The following FGF12 variants were observed in gnomAD, a reference collection of about 807,000 sequenced individuals.
The protein encoded by FGF12 is fibroblast growth factor 12, also known as fibroblast growth factor 12B.
FGF12 carries 14 observed loss-of-function variants against 23.6 expected under a neutral mutation model. That is an observed-to-expected ratio of 0.59 (90% confidence interval 0.39 to 0.93). The LOEUF is 0.93. Among genes scored for constraint, FGF12 ranks in the 40% least tolerant of loss-of-function variants. The probability of loss-of-function intolerance (pLI) is 0.00; values close to 1 mark genes in which losing one functional copy is unlikely to be tolerated. For synonymous variants in FGF12, 62 were observed against 77.3 expected (o/e 0.80, Z 1.04); for missense variants, 175 against 217.8 (o/e 0.80, Z 1.24).
At chr3:192,530,623 G>A (rs950033780) in intron 2 of FGF12, among the ~76,000 whole-genome samples, 1 of 152,112 alleles carries the variant, frequency 6.6e-6, no homozygotes, top group African/African-American at 2.4e-5. Context: ...TGGACTTTTA[G>A]TAGAAAGCTT....
intron 4 of FGF12, among the ~76,000 whole-genome samples, chr3:192,290,626 T>G (rs960145239): frequency 6.6e-6 from 1 of 152,162 alleles, no homozygotes; most frequent in Non-Finnish European, 1.5e-5. Context: ...TTTGCCCAAG[T>G]TGTGCTGCTC....
At chr3:192,366,458 G>A (rs1413790886) in intron 2 of FGF12, among the ~76,000 whole-genome samples, 1 of 152,138 alleles carries the variant, frequency 6.6e-6, no homozygotes, top group Non-Finnish European at 1.5e-5. Context: ...TGATAACAAT[G>A]GCTGTATATT....
At chr3:192,570,423 G>A (rs921667052) in intron 2 of FGF12, among the ~76,000 whole-genome samples, 2 of 96,492 alleles carry the variant, frequency 2.1e-5, no homozygotes, top group African/African-American at 4.8e-5. Flanking sequence ...TAATGATATT[G>A]CCAAAGAGAA....
intron 2 of FGF12, among the ~76,000 whole-genome samples, chr3:192,570,755 AAT>A: frequency 6.6e-6 from 1 of 152,340 alleles, no homozygotes; most frequent in Non-Finnish European, 1.5e-5. Context: ...CTTTTCATAA[AAT>A]ATTTTTATTG....
intron 4 of FGF12, among the ~76,000 whole-genome samples, chr3:192,185,827 T>A (rs558348067): frequency 1.3e-5 from 2 of 151,226 alleles, no homozygotes; most frequent in African/African-American, 2.4e-5. Flanking sequence ...CCACTGCACT[T>A]CAGCCTGGGC....
chr3:192,424,750 G>A (rs904046663), intron 2 of FGF12, among the ~76,000 whole-genome samples: 2 of 151,966 alleles, frequency 1.3e-5, no homozygotes, highest in Non-Finnish European at 2.9e-5. Context: ...ATGATTCACC[G>A]TACACACAGA....
In FGF12 at chr3:192,531,063, C is replaced by T. The variant is rs9835297; in HGVS notation, c.14-170525G>A. Among the ~76,000 whole-genome samples the T allele has an allele frequency of 2.3e-3, 356 of 152,306 alleles. 2 individuals are homozygous for T. Among genetic ancestry groups the T allele is most frequent in the African/African-American group, 8.2e-3 (342 of 41,570 alleles). On this transcript the variant is annotated intron_variant, in intron 2 of 5. Transcript: ENST00000445105. The stretch of plus-strand genomic sequence containing the variant: ...CTGACCTCAGGTGATGCACCCACCT[C>T]GGCCTCTCAAAGTGCTGGGATTACA...
At chr3:192,698,037 T>C (rs1038130322) in intron 2 of FGF12, among the ~76,000 whole-genome samples, 9 of 152,308 alleles carry the variant, frequency 5.9e-5, no homozygotes, top group Admixed American at 4.6e-4. Flanking sequence ...TAAAATGTTC[T>C]ATTTATTTGA....
intron 5 of FGF12, among the ~76,000 whole-genome samples, chr3:192,166,779 G>C (rs373607184): frequency 5.6e-4 from 85 of 152,066 alleles, no homozygotes; most frequent in East Asian, 2.7e-3. Context: ...TAAGACAAAA[G>C]ATAAAGACAT....
chr3:192,265,579 AAAG>A (rs1713029277), intron 4 of FGF12, among the ~76,000 whole-genome samples: 1 of 152,200 alleles, frequency 6.6e-6, no homozygotes, highest in Non-Finnish European at 1.5e-5. Flanking sequence ...CAGAAATTAA[AAAG>A]AAGAATATTT....
chr3:192,408,759 T>C lies in FGF12; in HGVS notation c.14-48221A>G, dbSNP rs1405399907. 1 of 985,732 alleles carries C rather than the reference T, an allele frequency of 1.0e-6. No individual in the cohort carries two copies. Among genetic ancestry groups the C allele is most frequent in the African/African-American group, 1.8e-5 (1 of 57,128 alleles). The allele number at this position is 985,732 out of a possible 1,614,324, so 61.1% of individuals were successfully genotyped here. Reference sequence around the variant, plus strand: ...GCCCCCGGTAGAAAATACTAAAAAGTGAATAAAACGTTCCTTTAGAAAACA... The same window carrying C: ...GCCCCCGGTAGAAAATACTAAAAAGCGAATAAAACGTTCCTTTAGAAAACA... On this transcript the variant is annotated intron_variant, in intron 2 of 5. Transcript: ENST00000445105. The surrounding 1 kb of genome is among the most constrained non-coding windows in gnomAD (Gnocchi z 7.3).
At chr3:192,505,401 A>G (rs958162807) in intron 2 of FGF12, among the ~76,000 whole-genome samples, 4 of 152,238 alleles carry the variant, frequency 2.6e-5, no homozygotes, top group Non-Finnish European at 5.9e-5. Flanking sequence ...AAATATTTCA[A>G]TATATGTACC....
At chr3:192,694,953 C>T (rs1718067129) in intron 2 of FGF12, among the ~76,000 whole-genome samples, 1 of 151,582 alleles carries the variant, frequency 6.6e-6, no homozygotes, top group African/African-American at 2.4e-5. Flanking sequence ...TAGTGTACAG[C>T]ATAAGGACTA....
In FGF12 at chr3:192,518,132, T is replaced by C. The variant is rs111488656; in HGVS notation, c.14-157594A>G. ...TTAATTTTATATTCAGATATATTATTGTTTTAATACCCAAATTTTAAATTA... is the reference window on the plus strand; with the variant it reads ...TTAATTTTATATTCAGATATATTATCGTTTTAATACCCAAATTTTAAATTA... On this transcript the variant is annotated intron_variant, in intron 2 of 5. Coordinates refer to ENST00000445105, the MANE Select transcript of FGF12 (RefSeq NM_004113.6). Among the ~76,000 whole-genome samples, 992 of 152,298 alleles carry C rather than the reference T, an allele frequency of 6.5e-3. 15 individuals carry two copies. The highest frequency in any genetic ancestry group is 0.022 in the African/African-American group (919 of 41,572).
intron 4 of FGF12, among the ~76,000 whole-genome samples, chr3:192,241,827 G>A (rs925655024): frequency 1.3e-5 from 2 of 152,028 alleles, no homozygotes; most frequent in African/African-American, 4.8e-5. Flanking sequence ...ATTTCTTTAA[G>A]GAATGAAATT....
At chr3:192,311,977 C>CTATCTATCTA (rs916798873) in intron 4 of FGF12, among the ~76,000 whole-genome samples, 1 of 148,450 alleles carries the variant, frequency 6.7e-6, no homozygotes, top group Non-Finnish European at 1.5e-5. Context: ...ATCTATCTAT[C>CTATCTATCTA]TGTTTTCAGA....
chr3:192,571,275 C>G (rs931314098), intron 2 of FGF12, among the ~76,000 whole-genome samples: 12 of 152,216 alleles, frequency 7.9e-5, no homozygotes, highest in African/African-American at 2.7e-4. Context: ...GAGGATCGCT[C>G]TTTCTGCAAA....
intron 2 of FGF12, among the ~76,000 whole-genome samples, chr3:192,646,393 T>C (rs1716007434): frequency 6.6e-6 from 1 of 152,132 alleles, no homozygotes; most frequent in African/African-American, 2.4e-5. Flanking sequence ...AGTCATTATA[T>C]ATGGCTAATT....
intron 2 of FGF12, among the ~76,000 whole-genome samples, chr3:192,390,137 C>T (rs1024309616): frequency 6.6e-6 from 1 of 152,176 alleles, no homozygotes; most frequent in Non-Finnish European, 1.5e-5. Flanking sequence ...GTGGGAAAGC[C>T]CTTTTGTGTC....
Sources: gnomAD v4.1 joint callset for allele counts (sites outside exome capture counted in the v4.1 genomes callset) on GRCh38, gnomAD v4.1.1 for gene constraint, Gnocchi (gnomAD v3.1) non-coding constraint, MANE v1.5 for transcripts, NCBI Gene and HGNC (gene_info 2026-07-23, HGNC 2026-07-21) for gene names.